ERBB4: variants seen among roughly 807,000 people sequenced by gnomAD.
ERBB4 encodes erb-b2 receptor tyrosine kinase 4.
Under a neutral mutation model 158.0 loss-of-function variants are expected in ERBB4, and 42 were observed. The ratio of observed to expected loss-of-function variants is 0.27; its 90% confidence interval spans 0.21 to 0.34. The LOEUF (loss-of-function observed/expected upper bound fraction) is 0.34, where lower values mean the gene tolerates loss of function less well. Ranked by LOEUF, ERBB4 falls within the 10% of genes least tolerant of loss-of-function variation. The pLI, the probability that ERBB4 is intolerant of heterozygous loss-of-function variation, is 1.00. For synonymous variants in ERBB4, 583 were observed against 558.7 expected (o/e 1.04, Z -0.61); for missense variants, 1,333 against 1,624.1 (o/e 0.82, Z 3.08).
At chr2:212,037,649 G>A (rs2077046345) in intron 2 of ERBB4, among the ~76,000 whole-genome samples, 1 of 152,152 alleles carries the variant, frequency 6.6e-6, no homozygotes, top group African/African-American at 2.4e-5. Context: ...ACATTCTCTT[G>A]CTGACAAACA....
In ERBB4 at chr2:211,695,757, T is replaced by G. The variant is rs2072993547; in HGVS notation, c.1489+6210A>C. ...TCTTCTGCGTAAAAAAGAAAGCTCT[T>G]GATATTTATCTTTCCTTTTTATCCC... On this transcript the variant is annotated intron_variant, in intron 12 of 27. Transcript: ENST00000342788. Among the ~76,000 whole-genome samples, 3 of 152,158 alleles carry G rather than the reference T, an allele frequency of 2.0e-5. No individual in the cohort carries two copies. The South Asian group carries it at 6.2e-4, about 32-fold the overall frequency.
At chr2:212,368,865 T>C (rs1478768634) in intron 1 of ERBB4, among the ~76,000 whole-genome samples, 1 of 152,154 alleles carries the variant, frequency 6.6e-6, no homozygotes, top group Non-Finnish European at 1.5e-5. Context: ...GTTTTAGTAC[T>C]ATTAATAGCA....
At chr2:211,524,828 T>C (rs150059350) in intron 20 of ERBB4, among the ~76,000 whole-genome samples, 1 of 151,500 alleles carries the variant, frequency 6.6e-6, no homozygotes, top group Admixed American at 6.5e-5. Context: ...GCTCCCACAG[T>C]GCAGCGGTGG....
intron 1 of ERBB4, among the ~76,000 whole-genome samples, chr2:212,373,831 A>ATATATCCATGTATATATCATG (rs1404520624): frequency 8.5e-6 from 1 of 117,502 alleles, no homozygotes; most frequent in African/African-American, 3.3e-5. Flanking sequence ...ATCCATATAT[A>ATATATCCATGTATATATCATG]TATATATCCA....
rs190553610 is a variant in ERBB4 at position 211,745,056 on chromosome 2, T to G, written c.622+5583A>C. Among the ~76,000 whole-genome samples the G allele has an allele frequency of 1.6e-4, 25 of 152,328 alleles. No individual in the cohort carries two copies. The East Asian group carries it at 4.3e-3, about 26-fold the overall frequency. ...AATATTGTCAAAAACTTACATAGCA[T>G]GTTTTCTGATTTTTTAAAAGTTAAG... is the stretch of plus-strand genomic sequence containing the variant. On this transcript the variant is annotated intron_variant, in intron 5 of 27. Coordinates refer to ENST00000342788, the MANE Select transcript of ERBB4 (RefSeq NM_005235.3).
chr2:212,059,874 A>G (rs2077706126), intron 2 of ERBB4, among the ~76,000 whole-genome samples: 1 of 152,232 alleles, frequency 6.6e-6, no homozygotes, highest in Non-Finnish European at 1.5e-5. Flanking sequence ...CTCAGGACAC[A>G]GGCATGGGCA....
At chr2:212,303,677 G>T (rs1212698899) in intron 1 of ERBB4, among the ~76,000 whole-genome samples, 1 of 151,612 alleles carries the variant, frequency 6.6e-6, no homozygotes, top group Non-Finnish European at 1.5e-5. Flanking sequence ...TAGTTTTGAT[G>T]AGTCCAAATC....
chr2:211,881,157 T>A (rs1052280472), intron 3 of ERBB4, among the ~76,000 whole-genome samples: 37 of 152,068 alleles, frequency 2.4e-4, no homozygotes, highest in Admixed American at 2.4e-3. Flanking sequence ...ACCGTTACAA[T>A]CCTAAAAACA....
At chr2:212,466,043 G>C (rs1211583289) in intron 1 of ERBB4, among the ~76,000 whole-genome samples, 1 of 152,158 alleles carries the variant, frequency 6.6e-6, no homozygotes, top group Non-Finnish European at 1.5e-5. Context: ...CATCCTGAAA[G>C]CATCTTAAAA....
chr2:212,078,323 T>C (rs369733957), intron 2 of ERBB4, among the ~76,000 whole-genome samples: 2 of 151,998 alleles, frequency 1.3e-5, no homozygotes, highest in South Asian at 2.1e-4. Context: ...TCAGAGACTT[T>C]ACGTAAACTA....
intron 2 of ERBB4, among the ~76,000 whole-genome samples, chr2:212,016,289 T>G (rs866053381): frequency 6.6e-6 from 1 of 152,100 alleles, no homozygotes; most frequent in Non-Finnish European, 1.5e-5. Context: ...GAAGCAGACC[T>G]GAATTCATAA....
intron 1 of ERBB4, among the ~76,000 whole-genome samples, chr2:212,313,165 T>C (rs1197135487): frequency 6.6e-6 from 1 of 150,850 alleles, no homozygotes; most frequent in Admixed American, 6.6e-5. Context: ...GTTCTTCCAT[T>C]TACAAACCAG....
intron 1 of ERBB4, among the ~76,000 whole-genome samples, chr2:212,411,360 T>C (rs1023371611): frequency 6.6e-6 from 1 of 152,126 alleles, no homozygotes; most frequent in Non-Finnish European, 1.5e-5. Flanking sequence ...TTTTAGAAAT[T>C]CCCATTATAT....
intron 12 of ERBB4, among the ~76,000 whole-genome samples, chr2:211,693,485 A>G (rs1342712269): frequency 6.6e-6 from 1 of 152,126 alleles, no homozygotes; most frequent in African/African-American, 2.4e-5. Flanking sequence ...TAAGCTATTC[A>G]ATTATGAATT....
chr2:211,840,060 T>G (rs1341773698), intron 3 of ERBB4, among the ~76,000 whole-genome samples: 3 of 151,966 alleles, frequency 2.0e-5, no homozygotes, highest in Admixed American at 2.0e-4. Context: ...TGAAGCTCTG[T>G]GATACGGTTT....
chr2:212,018,475 C>G (rs2076575916), intron 2 of ERBB4, among the ~76,000 whole-genome samples: 1 of 152,074 alleles, frequency 6.6e-6, no homozygotes, highest in Non-Finnish European at 1.5e-5. Flanking sequence ...TGGAAATAAA[C>G]CAGCATAGAA....
intron 1 of ERBB4, among the ~76,000 whole-genome samples, chr2:212,199,397 A>C (rs964876479): frequency 6.6e-6 from 1 of 152,166 alleles, no homozygotes; most frequent in African/African-American, 2.4e-5. Context: ...AGTGACTTTA[A>C]ATATTTTAAA....
intron 3 of ERBB4, among the ~76,000 whole-genome samples, chr2:211,888,769 A>G (rs1243301891): frequency 6.6e-6 from 1 of 151,938 alleles, no homozygotes; most frequent in Non-Finnish European, 1.5e-5. Flanking sequence ...TCCCTTTCCG[A>G]GTCAAAGAAA....
chr2:212,026,289 C>G, intron 2 of ERBB4, among the ~76,000 whole-genome samples: 1 of 151,494 alleles, frequency 6.6e-6, no homozygotes, highest in Non-Finnish European at 1.5e-5. Context: ...ATAGGTTTTT[C>G]AGTCACCTAT....
Sources: gnomAD v4.1 joint callset for allele counts (sites outside exome capture counted in the v4.1 genomes callset) on GRCh38, gnomAD v4.1.1 for gene constraint, MANE v1.5 for transcripts, NCBI Gene and HGNC (gene_info 2026-07-23, HGNC 2026-07-21) for gene names.